Variants in SEMA3E observed in about 807,000 individuals in gnomAD.
The protein encoded by SEMA3E is semaphorin 3E.
In SEMA3E, 49 loss-of-function variants were observed where a neutral mutation model predicts 93.6. The ratio of observed to expected loss-of-function variants is 0.52; its 90% CI spans 0.42 to 0.66. The LOEUF is 0.66. Ranked by LOEUF, SEMA3E falls within the 30% of genes least tolerant of loss-of-function variation. The pLI, the probability that SEMA3E is intolerant of heterozygous loss-of-function variation, is 0.00. For missense variants in SEMA3E, 906 were observed against 964.8 expected (o/e 0.94, Z 0.81); for synonymous variants, 363 against 330.7 (o/e 1.10, Z -1.06).
chr7:83,431,105 A>AGAG (rs57488307), intron 4 of SEMA3E, among the ~76,000 whole-genome samples: 2 of 150,254 alleles, frequency 1.3e-5, no homozygotes, highest in Non-Finnish European at 3.0e-5. Context: ...AAAAAAAAAA[A>AGAG]AAGCCCAAGT....
Position 83,412,086 on chromosome 7 carries a change from G to A in SEMA3E, c.551-3599C>T, listed in dbSNP as rs191294894. 9.2e-5 allele frequency among the ~76,000 whole-genome samples: 14 copies of A among 152,154 alleles called. No individual in the cohort carries two copies. In the East Asian group the frequency reaches 2.7e-3, roughly 30 times the overall value. On this transcript the variant is annotated intron_variant, in intron 5 of 16. Coordinates refer to ENST00000643230, the MANE Select transcript of SEMA3E (RefSeq NM_012431.3). ...TCAAAGAGACTGCCATGTAATTCTC[G>A]GAAACTGCCAAGCTTTTATGTTCTC...
rs1256301725 is a variant in SEMA3E, at chr7:83,365,420, T to A, written c.*2166A>T. 2.6e-5 allele frequency: 4 copies of A among 152,212 alleles called. No individual in the cohort carries two copies. Among genetic ancestry groups the A allele is most frequent in the African/African-American group, 9.6e-5 (4 of 41,456 alleles). The allele number at this position is 152,212 out of a possible 1,614,324, so 9.4% of individuals were successfully genotyped here. Reference sequence around the variant, plus strand: ...TTTTCTTATCAATTTTCTTTCAAATTAGCATTGAATAAACTTTCTTTGGGT... The same window carrying A: ...TTTTCTTATCAATTTTCTTTCAAATAAGCATTGAATAAACTTTCTTTGGGT... On this transcript the variant is annotated 3_prime_UTR_variant, in exon 17 of 17. Transcript: ENST00000643230.
At chr7:83,415,847 A>G (rs1788528582) in intron 5 of SEMA3E, among the ~76,000 whole-genome samples, 1 of 152,106 alleles carries the variant, frequency 6.6e-6, no homozygotes, top group Non-Finnish European at 1.5e-5. Flanking sequence ...TAACCATGAA[A>G]CTAAGAAGTA....
chr7:83,417,045 G>C (rs1341696008), intron 5 of SEMA3E, among the ~76,000 whole-genome samples: 2 of 150,318 alleles, frequency 1.3e-5, no homozygotes, highest in Non-Finnish European at 3.0e-5. Context: ...AGAATTGGTA[G>C]AGAAACTCAA....
chr7:83,598,789 A>T (rs1792926888), intron 1 of SEMA3E, among the ~76,000 whole-genome samples: 1 of 152,198 alleles, frequency 6.6e-6, no homozygotes, highest in African/African-American at 2.4e-5. Context: ...AATCATTTGT[A>T]TATGTCTTTG....
At chr7:83,497,714 A>G (rs1039205134) in intron 1 of SEMA3E, among the ~76,000 whole-genome samples, 1 of 152,174 alleles carries the variant, frequency 6.6e-6, no homozygotes, top group Non-Finnish European at 1.5e-5. Flanking sequence ...TGATTTGCTA[A>G]TTGCTCTTTT....
rs779265753 is a variant in SEMA3E at position 83,648,658 on chromosome 7, T to C, written c.-116A>G. On this transcript the variant is annotated 5_prime_UTR_variant, in exon 1 of 17. Coordinates refer to ENST00000643230, the MANE Select transcript of SEMA3E (RefSeq NM_012431.3). ...AGGCTTTGTCAGAAATCGAACGCGTTGTCATCAGAAAGCACAGTTCCGAAG... is the reference window on the plus strand; with the variant it reads ...AGGCTTTGTCAGAAATCGAACGCGTCGTCATCAGAAAGCACAGTTCCGAAG... The C allele has an allele frequency of 3.9e-6, 3 of 777,446 alleles. No homozygotes were observed. Among genetic ancestry groups the C allele is most frequent in the Admixed American group, 2.0e-5 (1 of 50,070 alleles). 48.2% of individuals were successfully genotyped at this position (777,446 alleles called of 1,614,324 possible).
intron 1 of SEMA3E, among the ~76,000 whole-genome samples, chr7:83,585,530 GA>G (rs1792608964): frequency 6.6e-6 from 1 of 152,140 alleles, no homozygotes; most frequent in Non-Finnish European, 1.5e-5. Flanking sequence ...ATTACATGAA[GA>G]ATTTATAGTC....
At chr7:83,548,762 A>G (rs1393226524) in intron 1 of SEMA3E, among the ~76,000 whole-genome samples, 1 of 152,112 alleles carries the variant, frequency 6.6e-6, no homozygotes, top group African/African-American at 2.4e-5. Context: ...TACACCACGC[A>G]GCCTTTTCCT....
At chr7:83,441,916 G>C (rs1789122751) in intron 4 of SEMA3E, among the ~76,000 whole-genome samples, 2 of 152,240 alleles carry the variant, frequency 1.3e-5, no homozygotes, top group Admixed American at 1.3e-4. Context: ...ACTAAGATTG[G>C]GGTAATGTTC....
intron 13 of SEMA3E, 85 bp from the exon 14 acceptor site, chr7:83,392,806 A>T (rs1788044383): frequency 1.1e-5 from 14 of 1,253,140 alleles, no homozygotes; most frequent in Non-Finnish European, 1.5e-5. Context: ...TTTATACACA[A>T]TCACCTCAGA....
At chr7:83,462,365 C>T (rs1485299085) in intron 4 of SEMA3E, among the ~76,000 whole-genome samples, 1 of 152,162 alleles carries the variant, frequency 6.6e-6, no homozygotes, top group African/African-American at 2.4e-5. Flanking sequence ...CCAACTTAGA[C>T]AATACTCTTT....
At chr7:83,597,725 C>T (rs898771993) in intron 1 of SEMA3E, among the ~76,000 whole-genome samples, 2 of 152,120 alleles carry the variant, frequency 1.3e-5, no homozygotes, top group African/African-American at 4.8e-5. Flanking sequence ...CTATGGTAAA[C>T]TAATATGAAT....
At chr7:83,569,995 C>A (rs1292886394) in intron 1 of SEMA3E, among the ~76,000 whole-genome samples, 6 of 152,024 alleles carry the variant, frequency 3.9e-5, no homozygotes, top group Admixed American at 3.9e-4. Flanking sequence ...TTAATAAAAT[C>A]AAAAAATCAA....
Position 83,455,129 on chromosome 7 carries a change from G to A in SEMA3E, c.456+11353C>T, listed in dbSNP as rs143910271. On this transcript the variant is annotated intron_variant, in intron 4 of 16. Coordinates refer to ENST00000643230, the MANE Select transcript of SEMA3E (RefSeq NM_012431.3). The stretch of plus-strand genomic sequence containing the variant: ...GAGTACATTGTTGATTATCTTTGAG[G>A]CAAAATATATTTGCATGACTAATTT... Among the ~76,000 whole-genome samples the A allele has an allele frequency of 2.8e-3, 423 of 152,114 alleles. 2 individuals are homozygous for A. Among genetic ancestry groups the A allele is most frequent in the African/African-American group, 8.5e-3 (352 of 41,472 alleles).
chr7:83,445,259 C>G (rs940943283), intron 4 of SEMA3E, among the ~76,000 whole-genome samples: 1 of 152,116 alleles, frequency 6.6e-6, no homozygotes, highest in South Asian at 2.1e-4. Context: ...AATAAATCAG[C>G]TTGTAGGTTA....
At chr7:83,561,303 TA>T (rs1792025824) in intron 1 of SEMA3E, among the ~76,000 whole-genome samples, 1 of 152,130 alleles carries the variant, frequency 6.6e-6, no homozygotes, top group Non-Finnish European at 1.5e-5. Flanking sequence ...TTTATTCAAG[TA>T]AAAAATTATT....
intron 4 of SEMA3E, among the ~76,000 whole-genome samples, chr7:83,434,964 C>T (rs1190872397): frequency 1.3e-5 from 2 of 151,896 alleles, no homozygotes. Context: ...CCGCCCGCCT[C>T]GGCCTCCCAA....
At chr7:83,370,766 GC>G (rs1319456983) in intron 16 of SEMA3E, among the ~76,000 whole-genome samples, 1 of 151,984 alleles carries the variant, frequency 6.6e-6, no homozygotes, top group East Asian at 1.9e-4. Context: ...ATATACTTGA[GC>G]ATGCAACATT....
Sources: gnomAD v4.1 joint callset for allele counts (sites outside exome capture counted in the v4.1 genomes callset) on GRCh38, gnomAD v4.1.1 for gene constraint, MANE v1.5 for transcripts, NCBI Gene and HGNC (gene_info 2026-07-23, HGNC 2026-07-21) for gene names.